PON2: variants seen among roughly 807,000 people sequenced by gnomAD.
PON2 encodes paraoxonase 2.
PON2 carries 27 observed loss-of-function variants against 36.6 expected under a neutral mutation model. The observed-to-expected ratio is 0.74, with a 90% CI of 0.54 to 1.02. The LOEUF (loss-of-function observed/expected upper bound fraction) is 1.02. PON2 is among the 50% of genes least tolerant of loss of function. The pLI is 0.00. For synonymous variants in PON2, 149 were observed against 156.3 expected, an observed-to-expected ratio of 0.95 and a Z score of 0.35; for missense variants, 363 against 421.1, an observed-to-expected ratio of 0.86 and a Z score of 1.21.
At chr7:95,423,890 C>T (rs1329297242) in intron 2 of PON2, among the ~76,000 whole-genome samples, 16 of 151,938 alleles carry the variant, frequency 1.1e-4, no homozygotes, top group Admixed American at 9.2e-4. Context: ...GGAGAAGTGC[C>T]GAGCAAAAGG....
intron 2 of PON2, 191 bp downstream of exon 2, chr7:95,424,324 C>A: frequency 1.7e-6 from 1 of 595,406 alleles, no homozygotes; most frequent in Non-Finnish European, 3.0e-6. Context: ...GAATAATTTA[C>A]AGTGAGGGTA....
At chr7:95,421,135 CA>C (rs1340657952) in intron 2 of PON2, among the ~76,000 whole-genome samples, 2 of 152,206 alleles carry the variant, frequency 1.3e-5, no homozygotes, top group Non-Finnish European at 2.9e-5. Flanking sequence ...CATATTTCCT[CA>C]TTCTTTCCAA....
chr7:95,404,895 CT>C lies in PON2; in HGVS notation c.*434del, dbSNP rs1279516940. 1.2e-5 allele frequency: 2 copies of C among 167,024 alleles called. No homozygotes were observed. Among genetic ancestry groups the C allele is most frequent in the African/African-American group, 4.8e-5 (2 of 41,596 alleles). The allele number at this position is 167,024 out of a possible 1,614,324, so 10.3% of individuals were successfully genotyped here. ...TAGTTAGTCTTTAATATAACTCCAA[CT>C]TTTTAATGGTAAACAAAGATGTAAG... On this transcript the variant is annotated 3_prime_UTR_variant, in exon 9 of 9. Coordinates refer to ENST00000222572, the MANE Select transcript of PON2 (RefSeq NM_000305.3).
rs17166875 is a variant in PON2, at chr7:95,411,959, C to T, written c.368-180G>A. Among the ~76,000 whole-genome samples, 40,742 of 152,042 alleles carry T rather than the reference C, an allele frequency of 0.27. 5,883 individuals carry two copies. Among genetic ancestry groups the T allele is most frequent in the South Asian group, 0.36 (1,751 of 4,814 alleles). On this transcript the variant is annotated intron_variant, in intron 4 of 8. Coordinates refer to ENST00000222572, the MANE Select transcript of PON2 (RefSeq NM_000305.3). ...GTCTGGTGTTATTTCTGATCATTGGCTCCCTGACCTTTAAGAAAGTGTTTC... is the reference window on the plus strand; with the variant it reads ...GTCTGGTGTTATTTCTGATCATTGGTTCCCTGACCTTTAAGAAAGTGTTTC...
In PON2 at chr7:95,412,319, T is replaced by C. The variant is rs1430141236; in HGVS notation, c.360A>G (p.Ile120Met). Residue 120 changes from isoleucine (I) to methionine (M), a missense_variant, in exon 4 of 9, where the codon ATA (isoleucine) becomes ATG (methionine). Coordinates refer to ENST00000222572, the MANE Select transcript of PON2 (RefSeq NM_000305.3). The part of the protein sequence containing the change: ...SFNPHGISTF[I>M]DNDDTVYLFV... ...TAGCCCATTGGCTCTTACCGTTGTCTATGAAAGTGCTGATGCCATGTGGAT... is the reference window on the plus strand; with the variant it reads ...TAGCCCATTGGCTCTTACCGTTGTCCATGAAAGTGCTGATGCCATGTGGAT... 2.5e-6 allele frequency: 4 copies of C among 1,614,042 alleles called. No homozygotes were observed. In the African/African-American group the frequency reaches 5.3e-5, roughly 22 times the overall value.
At chr7:95,408,570 G>A (rs932958782) in intron 6 of PON2, among the ~76,000 whole-genome samples, 12 of 152,136 alleles carry the variant, frequency 7.9e-5, no homozygotes, top group South Asian at 2.1e-4. Context: ...GGCTGCAGAG[G>A]TTGGATCAGG....
At chr7:95,414,421 A>G (rs1199642477) in intron 3 of PON2, among the ~76,000 whole-genome samples, 1 of 152,212 alleles carries the variant, frequency 6.6e-6, no homozygotes, top group Non-Finnish European at 1.5e-5. Flanking sequence ...GGTAACAGAA[A>G]AAAAGCAGAA....
intron 4 of PON2, 143 bp downstream of exon 4, chr7:95,412,169 C>T: frequency 8.6e-7 from 1 of 1,162,978 alleles, no homozygotes; most frequent in East Asian, 2.5e-5. Flanking sequence ...GGCAAATGAA[C>T]AAGTTCTTTG....
At chr7:95,405,522 C>T in intron 8 of PON2, 34 bp from the exon 9 acceptor site, 1 of 1,581,252 alleles carries the variant, frequency 6.3e-7, no homozygotes, top group East Asian at 2.2e-5. Context: ...AATATAAGAC[C>T]ACCGTACATG....
intron 4 of PON2, 104 bp downstream of exon 4, chr7:95,412,208 G>A (rs1788942993): frequency 1.2e-5 from 18 of 1,441,506 alleles, no homozygotes; most frequent in Non-Finnish European, 1.5e-5. Context: ...TCACTCATGA[G>A]TTAATTGTTC....
chr7:95,406,677 T>C (rs1809704457), intron 7 of PON2, among the ~76,000 whole-genome samples: 1 of 152,208 alleles, frequency 6.6e-6, no homozygotes, highest in Admixed American at 6.5e-5. Flanking sequence ...AAACCTTCAT[T>C]TGAGAATTCA....
chr7:95,406,708 T>C (rs1232426580), intron 7 of PON2, among the ~76,000 whole-genome samples: 1 of 152,182 alleles, frequency 6.6e-6, no homozygotes, highest in East Asian at 1.9e-4. Context: ...TTTTCAATTG[T>C]GAAAATTCTT....
intron 2 of PON2, 27 bp downstream of exon 2, chr7:95,424,488 G>T: frequency 6.3e-7 from 1 of 1,587,392 alleles, no homozygotes; most frequent in Non-Finnish European, 8.6e-7. Flanking sequence ...AATGCAATGT[G>T]CCCAACAAGC....
At chr7:95,434,770 G>C (rs1414688374) in intron 1 of PON2, 108 bp downstream of exon 1, 1 of 1,282,298 alleles carries the variant, frequency 7.8e-7, no homozygotes, top group Non-Finnish European at 1.1e-6. Context: ...CCCGGCCGCA[G>C]GGCCAGGTCC....
At position 95,406,990 on chromosome 7, in the gene PON2, C is replaced by G; in HGVS notation, c.774G>C (p.Leu258Phe). Residue 258 changes from leucine to phenylalanine, a missense_variant, in exon 7 of 9, where the codon TTG becomes TTC. By Grantham distance (22) the Leu-to-Phe change is conservative. Transcript: ENST00000222572. ...TATGTAAAAATAAATATTTTACCTT[C>G]AACTGAGTTAAATTCATATTAGTGT... ...EKHTNMNLTQ[L>F]KVLELDTLVD... The G allele has an allele frequency of 6.6e-7, 1 of 1,524,698 alleles. No individual in the cohort carries two copies. Among genetic ancestry groups the G allele is most frequent in the Non-Finnish European group, 9.1e-7 (1 of 1,101,382 alleles). The allele number at this position is 1,524,698 out of a possible 1,614,324, so 94.4% of individuals were successfully genotyped here. A position where few individuals can be genotyped will look rare whatever the true frequency, so the allele number is the denominator to read the frequency against.
chr7:95,409,876 G>A, intron 6 of PON2, 25 bp downstream of exon 6: 1 of 1,605,138 alleles, frequency 6.2e-7, no homozygotes, highest in Non-Finnish European at 8.5e-7. Context: ...GAAGAAAAAT[G>A]AAGATATTCT....
chr7:95,416,513 C>G, intron 2 of PON2: 1 of 586,292 alleles, frequency 1.7e-6, no homozygotes, highest in Non-Finnish European at 3.0e-6. Context: ...TATGTTTACT[C>G]AAATCAAAGT....
intron 1 of PON2, among the ~76,000 whole-genome samples, chr7:95,433,130 G>A (rs1263796077): frequency 6.6e-6 from 1 of 152,090 alleles, no homozygotes; most frequent in African/African-American, 2.4e-5. Flanking sequence ...CTATTTACCT[G>A]GGAACCCTGA....
chr7:95,425,805 C>T (rs1789301991), intron 1 of PON2, among the ~76,000 whole-genome samples: 1 of 152,030 alleles, frequency 6.6e-6, no homozygotes, highest in Non-Finnish European at 1.5e-5. Flanking sequence ...AATCATGTAA[C>T]TCAAATAATG....
Sources: allele counts gnomAD v4.1 joint callset (sites outside exome capture counted in the v4.1 genomes callset), GRCh38; gene constraint gnomAD v4.1.1; transcripts MANE v1.5; gene names NCBI Gene and HGNC (gene_info 2026-07-23, HGNC 2026-07-21).